The following CCDC69 variants were observed in gnomAD, a reference collection of about 807,000 sequenced individuals.
CCDC69 encodes the protein coiled-coil domain-containing protein 69.
A neutral mutation model predicts 40.3 loss-of-function variants in CCDC69; 38 were observed. The ratio of observed to expected loss-of-function variants is 0.94; its 90% CI spans 0.73 to 1.24. CCDC69 has a LOEUF of 1.24. CCDC69 is among the 50% of genes most tolerant of loss of function. The pLI, the probability that CCDC69 is intolerant of heterozygous loss-of-function variation, is 0.00. For synonymous variants in CCDC69, 141 were observed against 138.9 expected (o/e 1.02, Z -0.11); for missense variants, 389 against 357.9 (o/e 1.09, Z -0.70).
rs1373165844 is a variant in CCDC69 at position 151,187,371 on chromosome 5, C to A, written c.393+15G>T. 1 of 1,612,774 alleles carries A rather than the reference C, an allele frequency of 6.2e-7. No homozygotes were observed. Among genetic ancestry groups the A allele is most frequent in the Non-Finnish European group, 8.5e-7 (1 of 1,179,034 alleles). ...TTACCCTTATCCAAGACTGACACGACCCAGCCCCTCTCACCTGCTGGGTAG... is the reference window on the plus strand; with the variant it reads ...TTACCCTTATCCAAGACTGACACGAACCAGCCCCTCTCACCTGCTGGGTAG... On this transcript the variant is annotated intron_variant, in intron 5 of 8. Transcript: ENST00000355417.
intron 1 of CCDC69, among the ~76,000 whole-genome samples, chr5:151,217,541 G>C (rs1391231346): frequency 6.6e-6 from 1 of 152,234 alleles, no homozygotes; most frequent in African/African-American, 2.4e-5. Context: ...CTGGAAGTTA[G>C]AAGTGTAAAT....
Position 151,183,538 on chromosome 5 carries a change from C to T in CCDC69, c.790G>A (p.Glu264Lys), listed in dbSNP as rs759536839. 3.1e-6 allele frequency: 5 copies of T among 1,611,238 alleles called. No homozygotes were observed. In the Admixed American group the frequency reaches 8.4e-5, roughly 27 times the overall value. The change falls in exon 9 of 9, where the codon GAG becomes AAG. Residue 264 changes from glutamate to lysine, a missense_variant. Coordinates refer to ENST00000355417, the MANE Select transcript of CCDC69 (RefSeq NM_015621.3). ...ACCCGGTACAACAGCTCCTCCTTCT[C>T]CTGCTGGAGCTGTCGCCGCAGCTGC... is the stretch of plus-strand genomic sequence containing the variant. ...EVQLRRQLQQ[E>K]KEELLYRVLG...
chr5:151,192,592 C>G (rs556466343), intron 4 of CCDC69, among the ~76,000 whole-genome samples: 8 of 152,268 alleles, frequency 5.3e-5, no homozygotes, highest in Non-Finnish European at 1.0e-4. Flanking sequence ...TTCGATTAAA[C>G]ATTTAAAAAC....
At chr5:151,208,476 G>A (rs1308723891) in intron 1 of CCDC69, among the ~76,000 whole-genome samples, 2 of 152,236 alleles carry the variant, frequency 1.3e-5, no homozygotes, top group Non-Finnish European at 2.9e-5. Context: ...CTGGAGGACT[G>A]AGGGAGTCAT....
rs375926867 is a variant in CCDC69 at position 151,223,872 on chromosome 5, T to G, written c.48+51A>C. 149 of 1,568,162 alleles carry G rather than the reference T, an allele frequency of 9.5e-5. 1 individual carries two copies. The highest frequency in any genetic ancestry group is 1.2e-4 in the Non-Finnish European group (140 of 1,152,566). ...GCCGAGTCCTCTGCGGCGGAGCGAT[T>G]CCGCACTCCCCTCTCCTCTGAAAGC... On this transcript the variant is annotated intron_variant, in intron 1 of 8. Coordinates refer to ENST00000355417, the MANE Select transcript of CCDC69 (RefSeq NM_015621.3).
rs1448122323 is a variant in CCDC69 at position 151,182,899 on chromosome 5, A to AC, written c.*537dup. On this transcript the variant is annotated 3_prime_UTR_variant, in exon 9 of 9. Coordinates refer to ENST00000355417, the MANE Select transcript of CCDC69 (RefSeq NM_015621.3). ...GCGGGGTTTGTCCACACTCCCCCCA[A>AC]CCCCTACTCTGGCCTTCAGACAATC... is the stretch of plus-strand genomic sequence containing the variant. The AC allele has an allele frequency of 2.7e-6, 1 of 376,968 alleles. No homozygotes were observed. The highest frequency in any genetic ancestry group is 2.1e-5 in the African/African-American group (1 of 47,428). The allele number at this position is 376,968 out of a possible 1,614,324, so 23.4% of individuals were successfully genotyped here.
chr5:151,214,343 G>T (rs1003676271), intron 1 of CCDC69, among the ~76,000 whole-genome samples: 8 of 152,232 alleles, frequency 5.3e-5, no homozygotes, highest in African/African-American at 1.9e-4. Context: ...GGCCCAAGGG[G>T]CCCCACTCCA....
chr5:151,208,247 T>C lies in CCDC69; in HGVS notation c.49-2772A>G, dbSNP rs891172998. On this transcript the variant is annotated intron_variant, in intron 1 of 8. Transcript: ENST00000355417. ...GCCTGTGCAATAGAGTGAGACTCTGTCTCAAAAAACAAACAAACAAAAACA... is the reference window on the plus strand; with the variant it reads ...GCCTGTGCAATAGAGTGAGACTCTGCCTCAAAAAACAAACAAACAAAAACA... 2.6e-5 allele frequency among the ~76,000 whole-genome samples: 4 copies of C among 152,116 alleles called. No homozygotes were observed. The East Asian group carries it at 5.8e-4, about 22-fold the overall frequency.
At chr5:151,204,632 CAT>C (rs1752827991) in intron 2 of CCDC69, among the ~76,000 whole-genome samples, 2 of 152,180 alleles carry the variant, frequency 1.3e-5, no homozygotes, top group African/African-American at 2.4e-5. Flanking sequence ...ACACTTCAGA[CAT>C]GTGGAGAAAA....
intron 2 of CCDC69, among the ~76,000 whole-genome samples, chr5:151,202,129 G>A (rs1752783980): frequency 2.6e-5 from 4 of 151,748 alleles, no homozygotes; most frequent in Admixed American, 2.6e-4. Flanking sequence ...GCTGAGGTGG[G>A]AGGAGCACTT....
intron 4 of CCDC69, among the ~76,000 whole-genome samples, chr5:151,193,645 G>C (rs2113988712): frequency 6.6e-6 from 1 of 152,226 alleles, no homozygotes; most frequent in Non-Finnish European, 1.5e-5. Context: ...AAAACCATAA[G>C]GCTTTGGAAG....
intron 1 of CCDC69, among the ~76,000 whole-genome samples, chr5:151,214,839 G>A (rs1016272637): frequency 6.6e-6 from 1 of 152,180 alleles, no homozygotes. Context: ...TGCACCTGGT[G>A]AGCCAGACCA....
chr5:151,192,237 A>C (rs1204866168), intron 4 of CCDC69, among the ~76,000 whole-genome samples: 2 of 151,858 alleles, frequency 1.3e-5, no homozygotes, highest in Non-Finnish European at 2.9e-5. Context: ...GGGGAAATCA[A>C]TGAAACCAAA....
At chr5:151,208,807 T>C (rs941666735) in intron 1 of CCDC69, among the ~76,000 whole-genome samples, 11 of 152,212 alleles carry the variant, frequency 7.2e-5, no homozygotes, top group Admixed American at 2.6e-4. Flanking sequence ...GCCAGCTCTG[T>C]TACAAACTTG....
intron 2 of CCDC69, among the ~76,000 whole-genome samples, chr5:151,203,824 A>G (rs1236924538): frequency 6.4e-5 from 8 of 124,054 alleles, no homozygotes; most frequent in Non-Finnish European, 9.4e-5. Flanking sequence ...TCGTATATAT[A>G]GTATATATAT....
intron 5 of CCDC69, 81 bp downstream of exon 5, chr5:151,187,305 G>C (rs1752537740): frequency 3.9e-6 from 5 of 1,281,314 alleles, no homozygotes; most frequent in Middle Eastern, 2.5e-4. Flanking sequence ...ATCAGTTTTG[G>C]CTGCCTTGGG....
chr5:151,183,219 A>G lies in CCDC69; in HGVS notation c.*218T>C, dbSNP rs1399512892. The G allele has an allele frequency of 5.8e-6, 4 of 692,102 alleles. No individual in the cohort carries two copies. In the East Asian group the frequency reaches 8.4e-5, roughly 14 times the overall value. 42.9% of individuals were successfully genotyped at this position (692,102 alleles called of 1,614,324 possible). Reference sequence around the variant, plus strand: ...CTCCTCTTGCTTATTCCCTTGGCCAACTCAAGGGAAGACGCTTCTCGGGGC... The same window carrying G: ...CTCCTCTTGCTTATTCCCTTGGCCAGCTCAAGGGAAGACGCTTCTCGGGGC... On this transcript the variant is annotated 3_prime_UTR_variant, in exon 9 of 9. Transcript: ENST00000355417.
At position 151,186,246 on chromosome 5, in the gene CCDC69, A is replaced by G. The variant is rs189735399; in HGVS notation, c.394-122T>C. 1.3e-3 allele frequency: 902 copies of G among 719,212 alleles called. 3 individuals carry two copies. Among genetic ancestry groups the G allele is most frequent in the African/African-American group, 0.011 (618 of 58,164 alleles). The allele number at this position is 719,212 out of a possible 1,614,324, so 44.6% of individuals were successfully genotyped here. A position where few individuals can be genotyped will look rare whatever the true frequency, so the allele number is the denominator to read the frequency against. ...TTCAATCTGTCTTTGGCTACTCTAC[A>G]TGACAATGCAACATCAACATACTTC... On this transcript the variant is annotated intron_variant, in intron 5 of 8. Transcript: ENST00000355417.
intron 4 of CCDC69, among the ~76,000 whole-genome samples, chr5:151,187,879 C>T (rs1274586568): frequency 2.0e-5 from 3 of 152,180 alleles, no homozygotes; most frequent in Non-Finnish European, 4.4e-5. Flanking sequence ...CACAAAACTG[C>T]AGTAAGTACA....
Sources: gnomAD v4.1 joint callset for allele counts (sites outside exome capture counted in the v4.1 genomes callset) on GRCh38, gnomAD v4.1.1 for gene constraint, MANE v1.5 for transcripts, NCBI Gene and HGNC (gene_info 2026-07-23, HGNC 2026-07-21) for gene names.